Variants in NARS2 observed in about 807,000 individuals in gnomAD.
NARS2 encodes asparaginyl-tRNA synthetase 2, mitochondrial, also known as asparaginyl-tRNA synthetase.
In NARS2, 60 loss-of-function variants were observed where a neutral mutation model predicts 62.9. The ratio of observed to expected loss-of-function variants is 0.95; its 90% CI spans 0.77 to 1.18. The LOEUF (loss-of-function observed/expected upper bound fraction) is 1.18. Ranked by LOEUF, NARS2 falls within the 50% of genes most tolerant of loss-of-function variation. The probability of loss-of-function intolerance (pLI) is 0.00; values close to 1 mark genes in which losing one functional copy is unlikely to be tolerated. For synonymous variants in NARS2, 196 were observed against 200.0 expected, an observed-to-expected ratio of 0.98 and a Z score of 0.17; for missense variants, 619 against 576.4, an observed-to-expected ratio of 1.07 and a Z score of -0.76.
intron 11 of NARS2, among the ~76,000 whole-genome samples, chr11:78,452,311 G>T (rs112997535): frequency 0.011 from 1,678 of 152,008 alleles, 22 homozygotes; most frequent in Non-Finnish European, 0.014. Flanking sequence ...ATTTCACCAT[G>T]TTGGCCAGGC....
intron 6 of NARS2, among the ~76,000 whole-genome samples, chr11:78,500,059 T>C (rs1314174679): frequency 6.6e-6 from 1 of 152,250 alleles, no homozygotes; most frequent in Non-Finnish European, 1.5e-5. Flanking sequence ...AAGTGTTATT[T>C]AAGTCTACAA....
intron 9 of NARS2, among the ~76,000 whole-genome samples, chr11:78,472,962 C>G (rs1858937561): frequency 1.3e-5 from 2 of 152,190 alleles, no homozygotes; most frequent in Admixed American, 6.5e-5. Flanking sequence ...TCTCATTATG[C>G]TTTCAGTGGC....
At chr11:78,453,367 T>C (rs1446255202) in intron 11 of NARS2, among the ~76,000 whole-genome samples, 1 of 152,140 alleles carries the variant, frequency 6.6e-6, no homozygotes, top group East Asian at 1.9e-4. Context: ...GTATTCAAGC[T>C]GAACAAACCC....
chr11:78,541,441 T>C (rs114560806), intron 5 of NARS2, among the ~76,000 whole-genome samples: 1,632 of 152,008 alleles, frequency 0.011, 34 homozygotes, highest in African/African-American at 0.039. Flanking sequence ...ACTACAGGCA[T>C]ATACCACTGT....
intron 5 of NARS2, chr11:78,533,355 A>AT (rs1415114189): frequency 6.6e-6 from 1 of 151,896 alleles, no homozygotes; most frequent in Non-Finnish European, 1.5e-5. Flanking sequence ...TATATTTGTG[A>AT]TTTTTTCACT....
chr11:78,574,088 T>C (rs975511068), intron 1 of NARS2, among the ~76,000 whole-genome samples: 11 of 152,228 alleles, frequency 7.2e-5, no homozygotes, highest in African/African-American at 2.2e-4. Flanking sequence ...GGCTTGTTCA[T>C]TTACACTTTT....
intron 5 of NARS2, among the ~76,000 whole-genome samples, chr11:78,553,319 C>T (rs757724454): frequency 3.3e-5 from 5 of 151,128 alleles, no homozygotes; most frequent in Non-Finnish European, 7.4e-5. Flanking sequence ...GACAAAATCT[C>T]GCTCTGTTAC....
rs1023907195 is a variant in NARS2 at position 78,559,608 on chromosome 11, A to G, written c.525T>C (p.Phe175=). The change falls in exon 5 of 14, where the codon TTT becomes TTC. Residue 175 remains phenylalanine (F), a synonymous_variant. Coordinates refer to ENST00000281038, the MANE Select transcript of NARS2 (RefSeq NM_024678.6). ...AIHSFFKDSG[F]VHIHTPIITS... is the part of the protein sequence containing the mutation. ...TGATTATTGGAGTATGAATATGTAC[A>G]AAGCCACTGTCCTGAAAAAGAAAAC... 2.5e-6 allele frequency: 4 copies of G among 1,611,444 alleles called. No homozygotes were observed. The African/African-American group carries it at 4.0e-5, about 16-fold the overall frequency.
chr11:78,514,236 C>T (rs900220556), intron 6 of NARS2, among the ~76,000 whole-genome samples: 33 of 152,134 alleles, frequency 2.2e-4, no homozygotes, highest in Non-Finnish European at 2.9e-5. Flanking sequence ...AATCCTCGAC[C>T]CTCAGCCTCC....
In NARS2 at chr11:78,566,263, T is replaced by C; in HGVS notation, c.382A>G (p.Ile128Val). The change falls in exon 4 of 14, where the codon ATC becomes GTC. Residue 128 changes from isoleucine (I) to valine (V), a missense_variant. Physicochemically the swap from Ile to Val is conservative, Grantham distance 29 (BLOSUM62 3). Transcript: ENST00000281038. ...IGNCDAKDFP[I>V]KYKERHPLEY... ...AGAGGATGCCTCTCTTTATATTTGA[T>C]GGGGAAATCCTGCCAATAAATGAAA... The C allele has an allele frequency of 3.8e-6, 6 of 1,586,394 alleles. No homozygotes were observed. Among genetic ancestry groups the C allele is most frequent in the Non-Finnish European group, 5.1e-6 (6 of 1,166,532 alleles).
rs557124804 is a variant in NARS2 at position 78,506,853 on chromosome 11, T to C, written c.690-13658A>G. 9.2e-5 allele frequency among the ~76,000 whole-genome samples: 14 copies of C among 152,318 alleles called. 1 individual carries two copies. The South Asian group carries it at 2.7e-3, about 29-fold the overall frequency. On this transcript the variant is annotated intron_variant, in intron 6 of 13. Coordinates refer to ENST00000281038, the MANE Select transcript of NARS2 (RefSeq NM_024678.6). Reference sequence around the variant, plus strand: ...TGCACTTGGCCTGATGTAACTGTTTTTGAAACTTGCAGTCTATGGAATACC... The same window carrying C: ...TGCACTTGGCCTGATGTAACTGTTTCTGAAACTTGCAGTCTATGGAATACC...
intron 11 of NARS2, among the ~76,000 whole-genome samples, chr11:78,461,110 G>A (rs986508256): frequency 4.6e-5 from 7 of 152,294 alleles, no homozygotes; most frequent in Admixed American, 3.3e-4. Flanking sequence ...CTAGTGGGTA[G>A]GGTGTCCTGG....
At chr11:78,554,537 T>C (rs1231868110) in intron 5 of NARS2, among the ~76,000 whole-genome samples, 2 of 38,606 alleles carry the variant, frequency 5.2e-5, no homozygotes. Context: ...GTGTCAACTG[T>C]GAATGGGACT....
chr11:78,495,544 A>G (rs1860021931), intron 6 of NARS2, among the ~76,000 whole-genome samples: 1 of 152,198 alleles, frequency 6.6e-6, no homozygotes, highest in Non-Finnish European at 1.5e-5. Context: ...AACAGGAATC[A>G]TGTTTTATTC....
chr11:78,450,665 TC>T (rs1448188801), intron 11 of NARS2, among the ~76,000 whole-genome samples: 75 of 142,474 alleles, frequency 5.3e-4, no homozygotes, highest in South Asian at 1.3e-3. Flanking sequence ...AAAAGCCTTG[TC>T]TTTTTTTTTT....
chr11:78,568,140 A>C (rs777989800), intron 3 of NARS2, among the ~76,000 whole-genome samples: 50 of 152,224 alleles, frequency 3.3e-4, no homozygotes, highest in Non-Finnish European at 3.7e-4. Flanking sequence ...TGATAAATGG[A>C]AATATTCTGT....
At chr11:78,555,538 T>C (rs1172099823) in intron 5 of NARS2, among the ~76,000 whole-genome samples, 2 of 152,200 alleles carry the variant, frequency 1.3e-5, no homozygotes, top group East Asian at 3.8e-4. Context: ...AGTAGTAACA[T>C]TCCCTTTGTC....
rs1555023813 is a variant in NARS2, at chr11:78,497,241, G to GCAAA, written c.690-4047_690-4046insTTTG. Reference sequence around the variant, plus strand: ...TCTTTGGAAAATAAAAAGCAAAATTGAAAAAAAAAAAAAAAAAAAAGGTTC... The same window carrying GCAAA: ...TCTTTGGAAAATAAAAAGCAAAATTGCAAAAAAAAAAAAAAAAAAAAAAAGGTTC... On this transcript the variant is annotated intron_variant, in intron 6 of 13. Transcript: ENST00000281038. Among the ~76,000 whole-genome samples, 6 of 107,282 alleles carry GCAAA rather than the reference G, an allele frequency of 5.6e-5. 2 individuals are homozygous for GCAAA. The highest frequency in any genetic ancestry group is 3.0e-4 in the South Asian group (1 of 3,314). The allele number at this position is 107,282 out of a possible 152,430, so 70.4% of individuals were successfully genotyped here.
intron 7 of NARS2, among the ~76,000 whole-genome samples, chr11:78,488,929 A>G (rs1405809432): frequency 2.0e-5 from 3 of 152,118 alleles, no homozygotes; most frequent in Non-Finnish European, 4.4e-5. Flanking sequence ...AAGAGAAGAG[A>G]GGAAAGGAAA....
Sources: allele counts gnomAD v4.1 joint callset (sites outside exome capture counted in the v4.1 genomes callset), GRCh38; gene constraint gnomAD v4.1.1; transcripts MANE v1.5; gene names NCBI Gene and HGNC (gene_info 2026-07-23, HGNC 2026-07-21).